AGPAT5: variants seen among roughly 807,000 people sequenced by gnomAD.
The protein encoded by AGPAT5 is 1-acyl-sn-glycerol-3-phosphate acyltransferase epsilon.
In AGPAT5, 46 loss-of-function variants were observed where a neutral mutation model predicts 45.6. The ratio of observed to expected loss-of-function variants is 1.01; its 90% CI spans 0.80 to 1.29. The LOEUF (loss-of-function observed/expected upper bound fraction) is 1.29. Among genes scored for constraint, AGPAT5 ranks in the 50% most tolerant of loss-of-function variants. The pLI is 0.00. For synonymous variants in AGPAT5, 272 were observed against 167.0 expected (o/e 1.63, Z -4.85); for missense variants, 673 against 450.7 (o/e 1.49, Z -4.47).
chr8:6,725,335 A>G (rs1800650294), intron 2 of AGPAT5, among the ~76,000 whole-genome samples: 1 of 152,140 alleles, frequency 6.6e-6, no homozygotes, highest in Non-Finnish European at 1.5e-5. Context: ...GTATGTAAGT[A>G]CTCGTTTCCT....
At chr8:6,751,502 G>A (rs1309709231) in intron 6 of AGPAT5, among the ~76,000 whole-genome samples, 2 of 152,218 alleles carry the variant, frequency 1.3e-5, no homozygotes, top group Admixed American at 1.3e-4. Flanking sequence ...AAATGCTACA[G>A]GAATTCTTGT....
chr8:6,715,684 T>C (rs78602456), intron 1 of AGPAT5, among the ~76,000 whole-genome samples: 4,435 of 152,226 alleles, frequency 0.029, 150 homozygotes, highest in East Asian at 0.13. Flanking sequence ...ACCCCCTACT[T>C]TCAAGGTATT....
intron 1 of AGPAT5, among the ~76,000 whole-genome samples, chr8:6,721,239 C>T (rs1475573694): frequency 4.6e-5 from 7 of 152,120 alleles, no homozygotes; most frequent in Non-Finnish European, 5.9e-5. Flanking sequence ...TAATATATTT[C>T]GTTGGCATAA....
intron 1 of AGPAT5, 138 bp downstream of exon 1, chr8:6,709,025 G>T (rs1390285875): frequency 6.0e-6 from 5 of 827,336 alleles, no homozygotes; most frequent in South Asian, 5.8e-5. Context: ...CCGCCTCCCC[G>T]CCTTCCTCTC....
chr8:6,735,474 C>T lies in AGPAT5; in HGVS notation c.495+2824C>T, dbSNP rs569755315. Among the ~76,000 whole-genome samples the T allele has an allele frequency of 5.9e-5, 9 of 152,344 alleles. No homozygotes were observed. In the East Asian group the frequency reaches 9.6e-4, roughly 16 times the overall value. ...CAGGGGTTCGTCTGTTCCACTGGCTCATACTTGGCTTTCTGCAAAATTGTT... is the reference window on the plus strand; with the variant it reads ...CAGGGGTTCGTCTGTTCCACTGGCTTATACTTGGCTTTCTGCAAAATTGTT... On this transcript the variant is annotated intron_variant, in intron 4 of 7. Transcript: ENST00000285518.
Position 6,760,261 on chromosome 8 carries a change from C to T in AGPAT5, c.*2873C>T, listed in dbSNP as rs941743315. Among the ~76,000 whole-genome samples, 1 of 151,972 alleles carries T rather than the reference C, an allele frequency of 6.6e-6. No individual in the cohort carries two copies. Among genetic ancestry groups the T allele is most frequent in the African/African-American group, 2.4e-5 (1 of 41,368 alleles). On this transcript the variant is annotated 3_prime_UTR_variant, in exon 8 of 8. Transcript: ENST00000285518. ...AAAAAAAATTAGCCAGGCATGGTGG[C>T]GTACACTGAGTAGTTTGTCCCAGCT...
chr8:6,725,721 C>T (rs1050416361), intron 2 of AGPAT5, among the ~76,000 whole-genome samples: 1 of 152,150 alleles, frequency 6.6e-6, no homozygotes, highest in Admixed American at 6.6e-5. Context: ...TTGATGCGTA[C>T]TTCCTAAATT....
chr8:6,738,017 G>C (rs1373705780), intron 4 of AGPAT5, among the ~76,000 whole-genome samples: 1 of 152,156 alleles, frequency 6.6e-6, no homozygotes, highest in Non-Finnish European at 1.5e-5. Context: ...GTTTTATCTA[G>C]AGCACTCAAA....
intron 1 of AGPAT5, 28 bp downstream of exon 1, chr8:6,708,915 G>A (rs557194721): frequency 1.2e-4 from 195 of 1,583,756 alleles, no homozygotes; most frequent in Middle Eastern, 1.7e-4. Flanking sequence ...CCCGGGTCTC[G>A]GCGTCCACCC....
chr8:6,759,301 G>C lies in AGPAT5; in HGVS notation c.*1913G>C, dbSNP rs1801953345. 2 of 152,104 alleles carry C rather than the reference G, an allele frequency of 1.3e-5. No homozygotes were observed. The highest frequency in any genetic ancestry group is 4.1e-4 in the South Asian group (2 of 4,826). 9.4% of individuals were successfully genotyped at this position (152,104 alleles called of 1,614,324 possible). A position where few individuals can be genotyped will look rare whatever the true frequency, so the allele number is the denominator to read the frequency against. The stretch of plus-strand genomic sequence containing the variant: ...GATTCTAACTCATTTTAACAAGGTA[G>C]CCTGACCTGCATAAGATCACTTGAA... On this transcript the variant is annotated 3_prime_UTR_variant, in exon 8 of 8. Transcript: ENST00000285518.
rs561931023 is a variant in AGPAT5 at position 6,760,374 on chromosome 8, G to A, written c.*2986G>A. On this transcript the variant is annotated 3_prime_UTR_variant, in exon 8 of 8. Coordinates refer to ENST00000285518, the MANE Select transcript of AGPAT5 (RefSeq NM_018361.5). ...GGACATACCACTGCACTACAGCCTA[G>A]GTAACAGCACGAGACCCCAACTCTT... 6.6e-6 allele frequency among the ~76,000 whole-genome samples: 1 copy of A among 152,020 alleles called. No homozygotes were observed. The highest frequency in any genetic ancestry group is 2.4e-5 in the African/African-American group (1 of 41,368).
intron 1 of AGPAT5, among the ~76,000 whole-genome samples, chr8:6,718,155 C>T (rs886877020): frequency 1.3e-5 from 2 of 152,162 alleles, no homozygotes; most frequent in African/African-American, 2.4e-5. Flanking sequence ...AAAATAAGAA[C>T]AGTACCAAAA....
intron 6 of AGPAT5, among the ~76,000 whole-genome samples, chr8:6,748,621 C>T (rs2936513): frequency 0.41 from 62,200 of 152,048 alleles, 12,796 homozygotes; most frequent in East Asian, 0.47. Flanking sequence ...TCTCCTGCCT[C>T]AGCCTCCTGA....
At chr8:6,713,332 A>C (rs925103946) in intron 1 of AGPAT5, among the ~76,000 whole-genome samples, 37 of 152,316 alleles carry the variant, frequency 2.4e-4, no homozygotes, top group African/African-American at 8.9e-4. Context: ...CTTGGAATTT[A>C]CTTCAGAATA....
chr8:6,745,283 C>G (rs574890811), intron 5 of AGPAT5: 1 of 154,506 alleles, frequency 6.5e-6, no homozygotes, highest in South Asian at 2.0e-4. Context: ...CCATCGTTGC[C>G]TCAGTCATCT....
chr8:6,711,616 A>T (rs1800157323), intron 1 of AGPAT5, among the ~76,000 whole-genome samples: 1 of 152,222 alleles, frequency 6.6e-6, no homozygotes, highest in Admixed American at 6.5e-5. Flanking sequence ...TGCTGCCAAA[A>T]CAGATCACCT....
intron 5 of AGPAT5, among the ~76,000 whole-genome samples, chr8:6,744,000 AT>A (rs1281931895): frequency 6.6e-6 from 1 of 152,074 alleles, no homozygotes; most frequent in African/African-American, 2.4e-5. Flanking sequence ...CTACAAAGCA[AT>A]TTTTTTCTTT....
chr8:6,710,763 G>C (rs1800130246), intron 1 of AGPAT5, among the ~76,000 whole-genome samples: 1 of 152,116 alleles, frequency 6.6e-6, no homozygotes, highest in Non-Finnish European at 1.5e-5. Context: ...GGAATAAATA[G>C]CTATCTTCAA....
At position 6,708,675 on chromosome 8, in the gene AGPAT5, C is replaced by T. The variant is rs1366443856; in HGVS notation, c.7C>T (p.Leu3=). Residue 3 remains leucine (L), a synonymous_variant, in exon 1 of 8, where the codon CTG becomes TTG. Coordinates refer to ENST00000285518, the MANE Select transcript of AGPAT5 (RefSeq NM_018361.5). ...CTGCCGCCGAGCTGAGAAGATGCTG[C>T]TGTCCCTGGTGCTCCACACGTACTC... ML[L]SLVLHTYSMR... is the part of the protein sequence containing the mutation. 5 of 1,587,638 alleles carry T rather than the reference C, an allele frequency of 3.1e-6. No individual in the cohort carries two copies. The highest frequency in any genetic ancestry group is 1.7e-5 in the Admixed American group (1 of 58,528).
Sources: gnomAD v4.1 joint callset for allele counts (sites outside exome capture counted in the v4.1 genomes callset) on GRCh38, gnomAD v4.1.1 for gene constraint, MANE v1.5 for transcripts, NCBI Gene and HGNC (gene_info 2026-07-23, HGNC 2026-07-21) for gene names.